Variants in SGK2 observed in about 807,000 individuals in gnomAD.
SGK2 encodes the protein serum/glucocorticoid regulated kinase 2, also known as serine/threonine-protein kinase Sgk2.
SGK2 carries 36 observed loss-of-function variants against 47.5 expected under a neutral mutation model. The observed-to-expected ratio is 0.76, with a 90% CI of 0.58 to 1.00. The LOEUF is 1.00. Ranked by LOEUF, SGK2 falls within the 50% of genes least tolerant of loss-of-function variation. SGK2 has a pLI of 0.00. For synonymous variants in SGK2, 157 were observed against 181.9 expected, an observed-to-expected ratio of 0.86 and a Z score of 1.10; for missense variants, 404 against 467.4, an observed-to-expected ratio of 0.86 and a Z score of 1.25.
chr20:43,570,810 GAT>G, intron 7 of SGK2, 81 bp downstream of exon 7: 1 of 1,311,276 alleles, frequency 7.6e-7, no homozygotes, highest in South Asian at 1.3e-5. Flanking sequence ...ACTAAATCCT[GAT>G]GAAATCCTGG....
At chr20:43,583,310 C>G in intron 12 of SGK2, 1 of 1,288,784 alleles carries the variant, frequency 7.8e-7, no homozygotes, top group Non-Finnish European at 1.0e-6. Context: ...GATGAATGGA[C>G]TTTAGAATGA....
At chr20:43,578,400 G>A (rs1980594191) in intron 11 of SGK2, among the ~76,000 whole-genome samples, 1 of 152,086 alleles carries the variant, frequency 6.6e-6, no homozygotes, top group Non-Finnish European at 1.5e-5. Context: ...CACAAGAATT[G>A]CTTGAACCTG....
At chr20:43,561,082 A>G (rs896644928) in intron 1 of SGK2, among the ~76,000 whole-genome samples, 3 of 152,250 alleles carry the variant, frequency 2.0e-5, no homozygotes, top group Non-Finnish European at 4.4e-5. Context: ...TCAGTCCCAG[A>G]CAAACCAAGA....
intron 12 of SGK2, among the ~76,000 whole-genome samples, chr20:43,582,258 A>C (rs1285064956): frequency 6.6e-6 from 1 of 151,868 alleles, no homozygotes; most frequent in South Asian, 2.1e-4. Flanking sequence ...ATGTTTTTCT[A>C]TGTAGCCCAG....
chr20:43,579,950 C>CT (rs781247829), intron 11 of SGK2, 22 bp from the exon 12 acceptor site: 1 of 1,586,580 alleles, frequency 6.3e-7, no homozygotes, highest in Non-Finnish European at 8.7e-7. Context: ...TAACCAGAAC[C>CT]TTTTTTCTGC....
At chr20:43,582,560 G>T (rs1396758721) in intron 12 of SGK2, among the ~76,000 whole-genome samples, 2 of 150,004 alleles carry the variant, frequency 1.3e-5, no homozygotes, top group African/African-American at 4.9e-5. Flanking sequence ...GCTAATTTTT[G>T]TATTTTTAGT....
chr20:43,570,781 A>T, intron 7 of SGK2, 52 bp downstream of exon 7: 1 of 1,418,372 alleles, frequency 7.1e-7, no homozygotes, highest in Non-Finnish European at 9.9e-7. Context: ...TTGCTCCAAC[A>T]GCTAGGGGTT....
intron 12 of SGK2, among the ~76,000 whole-genome samples, chr20:43,580,297 A>G (rs1980710896): frequency 1.3e-5 from 2 of 152,238 alleles, no homozygotes; most frequent in African/African-American, 4.8e-5. Context: ...CTGGCTGCAG[A>G]GACTTTTACA....
Position 43,585,338 on chromosome 20 carries a change from G to T in SGK2, c.*322G>T. ...GGAGGAAAGGGGAGAAGAGCAAAGG[G>T]CGCTTTTAAAGAGCTTTCCCAAAAG... On this transcript the variant is annotated 3_prime_UTR_variant, in exon 13 of 13. Transcript: ENST00000373100. 1 of 189,342 alleles carries T rather than the reference G, an allele frequency of 5.3e-6. No homozygotes were observed. Among genetic ancestry groups the T allele is most frequent in the East Asian group, 1.3e-4 (1 of 7,842 alleles). The allele number at this position is 189,342 out of a possible 1,614,324, so 11.7% of individuals were successfully genotyped here.
chr20:43,576,287 A>T lies in SGK2; in HGVS notation c.757A>T (p.Ile253Phe), dbSNP rs1393992024. 2.5e-6 allele frequency: 4 copies of T among 1,614,100 alleles called. No homozygotes were observed. In the African/African-American group the frequency reaches 4.0e-5, roughly 16 times the overall value. ...GAACATTCTGCACCAGCCGCTACAG[A>T]TCCCCGGAGGCCGGACAGTGGCCGC... Reference protein sequence around the residue: ...YENILHQPLQIPGGRTVAACD... With the variant: ...YENILHQPLQFPGGRTVAACD... The change falls in exon 11 of 13, where the codon ATC (isoleucine) becomes TTC (phenylalanine). Residue 253 changes from isoleucine (I) to phenylalanine (F), a missense_variant. Ile to Phe is a conservative substitution (Grantham distance 21). Transcript: ENST00000373100.
chr20:43,582,375 T>C (rs1325974994), intron 12 of SGK2, among the ~76,000 whole-genome samples: 3 of 151,776 alleles, frequency 2.0e-5, no homozygotes, highest in South Asian at 2.1e-4. Context: ...TTTTCATTTT[T>C]ATTTTTATTT....
chr20:43,561,900 G>T (rs1382226497), intron 1 of SGK2, among the ~76,000 whole-genome samples: 1 of 152,160 alleles, frequency 6.6e-6, no homozygotes, highest in African/African-American at 2.4e-5. Context: ...TTGCAGCAAT[G>T]ATGGTGAGCA....
intron 8 of SGK2, among the ~76,000 whole-genome samples, chr20:43,571,376 G>A (rs1300469997): frequency 2.0e-5 from 3 of 152,174 alleles, no homozygotes; most frequent in African/African-American, 7.2e-5. Context: ...GGAGGCAGAA[G>A]CTTTATTGGG....
chr20:43,567,945 G>A lies in SGK2; in HGVS notation c.174G>A (p.Gly58=), dbSNP rs937993535. The change falls in exon 5 of 13, where the codon GGG becomes GGA. Residue 58 remains glycine (G), a synonymous_variant. Coordinates refer to ENST00000373100, the MANE Select transcript of SGK2 (RefSeq NM_170693.3). The part of the protein sequence containing the change: ...KVLLAKRKSD[G]AFYAVKVLQK... ...TACTGGCCAAGCGCAAGTCTGATGGGGCGTTCTATGCAGTGAAGGTACTAC... is the reference window on the plus strand; with the variant it reads ...TACTGGCCAAGCGCAAGTCTGATGGAGCGTTCTATGCAGTGAAGGTACTAC... The A allele has an allele frequency of 8.1e-6, 13 of 1,614,058 alleles. No homozygotes were observed. The African/African-American group carries it at 1.6e-4, about 20-fold the overall frequency.
chr20:43,583,112 T>C, intron 12 of SGK2: 1 of 1,174,534 alleles, frequency 8.5e-7, no homozygotes, highest in South Asian at 1.4e-5. Context: ...CCAATGTTAA[T>C]TCACCATTTA....
intron 1 of SGK2, among the ~76,000 whole-genome samples, chr20:43,561,791 A>T (rs1979401942): frequency 6.6e-6 from 1 of 151,982 alleles, no homozygotes; most frequent in Non-Finnish European, 1.5e-5. Flanking sequence ...GTGGCTTTTC[A>T]TAGAGAAAGA....
At chr20:43,580,343 C>T (rs1980713925) in intron 12 of SGK2, among the ~76,000 whole-genome samples, 1 of 152,226 alleles carries the variant, frequency 6.6e-6, no homozygotes, top group South Asian at 2.1e-4. Flanking sequence ...AGCACACCCA[C>T]ATAGGGCCAA....
Position 43,585,339 on chromosome 20 carries a change from C to T in SGK2, c.*323C>T, listed in dbSNP as rs542465957. 12 of 187,138 alleles carry T rather than the reference C, an allele frequency of 6.4e-5. No homozygotes were observed. Among genetic ancestry groups the T allele is most frequent in the Middle Eastern group, 2.5e-3 (1 of 400 alleles). The allele number at this position is 187,138 out of a possible 1,614,324, so 11.6% of individuals were successfully genotyped here. On this transcript the variant is annotated 3_prime_UTR_variant, in exon 13 of 13. Coordinates refer to ENST00000373100, the MANE Select transcript of SGK2 (RefSeq NM_170693.3). ...GAGGAAAGGGGAGAAGAGCAAAGGG[C>T]GCTTTTAAAGAGCTTTCCCAAAAGC...
chr20:43,583,062 C>A, intron 12 of SGK2: 1 of 714,066 alleles, frequency 1.4e-6, no homozygotes, highest in Non-Finnish European at 2.0e-6. Flanking sequence ...AGCATGGTGC[C>A]AAGCCCCTTC....
Sources: gnomAD v4.1 joint callset for allele counts (sites outside exome capture counted in the v4.1 genomes callset) on GRCh38, gnomAD v4.1.1 for gene constraint, MANE v1.5 for transcripts, NCBI Gene and HGNC (gene_info 2026-07-23, HGNC 2026-07-21) for gene names.